Variants in ADARB2 observed in about 807,000 individuals in gnomAD.
ADARB2 encodes adenosine deaminase RNA specific B2 (inactive).
In ADARB2, 25 loss-of-function variants were observed where a neutral mutation model predicts 62.2. The observed-to-expected ratio is 0.40, with a 90% confidence interval of 0.29 to 0.56. ADARB2 has a LOEUF of 0.56. Ranked by LOEUF, ADARB2 falls within the 20% of genes least tolerant of loss-of-function variation. ADARB2 has a pLI of 0.43. For synonymous variants in ADARB2, 572 were observed against 500.8 expected (o/e 1.14, Z -1.90); for missense variants, 1,071 against 1,077.4 (o/e 0.99, Z 0.08).
chr10:1,578,122 T>C (rs1214707755), intron 1 of ADARB2, among the ~76,000 whole-genome samples: 1 of 152,108 alleles, frequency 6.6e-6, no homozygotes, highest in Non-Finnish European at 1.5e-5. Flanking sequence ...GTGTGCTGTA[T>C]ATCATTTATA....
intron 3 of ADARB2, among the ~76,000 whole-genome samples, chr10:1,347,639 C>T (rs1203581336): frequency 6.6e-6 from 1 of 152,194 alleles, no homozygotes; most frequent in African/African-American, 2.4e-5. Flanking sequence ...TCTTCACGCC[C>T]ATCGGCTACG....
intron 1 of ADARB2, among the ~76,000 whole-genome samples, chr10:1,427,086 A>T (rs536860379): frequency 5.7e-4 from 87 of 152,368 alleles, no homozygotes; most frequent in African/African-American, 2.0e-3. Flanking sequence ...CTCCATAAGT[A>T]GACTCACATG....
rs150827104 is a variant in ADARB2 at position 1,689,555 on chromosome 10, T to A, written c.100+47496A>T. ...TTTGAATAAACAGACATCACCACAATACCCTCAACAACACTTCCTAGAGAG... is the reference window on the plus strand; with the variant it reads ...TTTGAATAAACAGACATCACCACAAAACCCTCAACAACACTTCCTAGAGAG... On this transcript the variant is annotated intron_variant, in intron 1 of 9. Transcript: ENST00000381312. Among the ~76,000 whole-genome samples the A allele has an allele frequency of 4.6e-3, 698 of 152,256 alleles. 7 individuals are homozygous for A. Among genetic ancestry groups the A allele is most frequent in the African/African-American group, 0.016 (658 of 41,550 alleles).
intron 1 of ADARB2, among the ~76,000 whole-genome samples, chr10:1,562,640 C>T (rs994601692): frequency 6.6e-6 from 1 of 152,122 alleles, no homozygotes; most frequent in East Asian, 1.9e-4. Flanking sequence ...AGAATGACAC[C>T]CCCCTGGTTG....
At chr10:1,382,918 G>T (rs1470089650) in intron 1 of ADARB2, among the ~76,000 whole-genome samples, 2 of 152,186 alleles carry the variant, frequency 1.3e-5, no homozygotes, top group Non-Finnish European at 2.9e-5. Context: ...TTGAGCTCGG[G>T]CTCCCATCAT....
chr10:1,319,216 G>A (rs939136192), intron 3 of ADARB2, among the ~76,000 whole-genome samples: 11 of 152,180 alleles, frequency 7.2e-5, no homozygotes, highest in Non-Finnish European at 1.5e-4. Flanking sequence ...AAACAATGAG[G>A]AAGTAAGTTC....
intron 1 of ADARB2, among the ~76,000 whole-genome samples, chr10:1,618,244 G>A (rs974298630): frequency 2.0e-5 from 3 of 152,096 alleles, no homozygotes; most frequent in African/African-American, 4.8e-5. Flanking sequence ...GATCCTATAA[G>A]TCCAGCTTTA....
chr10:1,570,815 A>G (rs1329748294), intron 1 of ADARB2, among the ~76,000 whole-genome samples: 1 of 152,082 alleles, frequency 6.6e-6, no homozygotes, highest in Non-Finnish European at 1.5e-5. Flanking sequence ...CTGAGTGGGG[A>G]CACAGAGAGA....
At chr10:1,731,230 C>T (rs912316928) in intron 1 of ADARB2, among the ~76,000 whole-genome samples, 1 of 152,152 alleles carries the variant, frequency 6.6e-6, no homozygotes, top group African/African-American at 2.4e-5. Context: ...AGATTCAGGG[C>T]CTACGAGCCC....
At chr10:1,566,475 T>C (rs1360208727) in intron 1 of ADARB2, among the ~76,000 whole-genome samples, 1 of 152,256 alleles carries the variant, frequency 6.6e-6, no homozygotes, top group African/African-American at 2.4e-5. Flanking sequence ...TTTCCCTCAA[T>C]AGCTGTGCAC....
chr10:1,390,129 T>C (rs1832557398), intron 1 of ADARB2, among the ~76,000 whole-genome samples: 2 of 152,070 alleles, frequency 1.3e-5, no homozygotes, highest in South Asian at 2.1e-4. Context: ...CAAAACAAAA[T>C]GAGTGAAATA....
chr10:1,561,624 A>G (rs942209866), intron 1 of ADARB2, among the ~76,000 whole-genome samples: 1 of 151,648 alleles, frequency 6.6e-6, no homozygotes, highest in African/African-American at 2.4e-5. Context: ...CTGCCAGTCC[A>G]CCCCTCTCTC....
At chr10:1,209,975 C>T (rs1419177081) in intron 7 of ADARB2, among the ~76,000 whole-genome samples, 1 of 152,204 alleles carries the variant, frequency 6.6e-6, no homozygotes, top group Non-Finnish European at 1.5e-5. Context: ...ACTGATCTTA[C>T]CACTGACATT....
At chr10:1,710,053 G>A (rs548366685) in intron 1 of ADARB2, among the ~76,000 whole-genome samples, 2 of 152,192 alleles carry the variant, frequency 1.3e-5, no homozygotes, top group African/African-American at 4.8e-5. Flanking sequence ...GTGCTCAGTC[G>A]AGGACGGTTT....
chr10:1,364,761 C>T (rs909571531), intron 2 of ADARB2, among the ~76,000 whole-genome samples: 5 of 152,096 alleles, frequency 3.3e-5, no homozygotes, highest in Non-Finnish European at 5.9e-5. Flanking sequence ...TCCCAGGTAT[C>T]GTGTTATTCA....
chr10:1,289,538 G>A lies in ADARB2; in HGVS notation c.1078-18469C>T, dbSNP rs919613472. ...CCGTCAGGAAGCCCGAGTCTGCCAC[G>A]GCTGCTGGGTGGGACAGACCAGGGT... On this transcript the variant is annotated intron_variant, in intron 3 of 9. Transcript: ENST00000381312. Among the ~76,000 whole-genome samples the A allele has an allele frequency of 5.9e-5, 9 of 152,354 alleles. No homozygotes were observed. The South Asian group carries it at 6.2e-4, about 11-fold the overall frequency.
At chr10:1,348,085 TG>T (rs1409292400) in intron 3 of ADARB2, among the ~76,000 whole-genome samples, 5 of 150,916 alleles carry the variant, frequency 3.3e-5, no homozygotes, top group African/African-American at 4.9e-5. Context: ...ACAGTGGGAA[TG>T]TGAATCCCGG....
rs1177251578 is a variant in ADARB2, at chr10:1,178,967, GC to G, written c.*4225del. On this transcript the variant is annotated 3_prime_UTR_variant, in exon 10 of 10. Transcript: ENST00000381312. Reference sequence around the variant, plus strand: ...GAAAGTGATACTTATTGTATTTTGGGCCAATTAGTCAGATTATTTTATTAGA... The same window carrying G: ...GAAAGTGATACTTATTGTATTTTGGGCAATTAGTCAGATTATTTTATTAGA... 1 of 152,144 alleles carries G rather than the reference GC, an allele frequency of 6.6e-6. No homozygotes were observed. Among genetic ancestry groups the G allele is most frequent in the Non-Finnish European group, 1.5e-5 (1 of 68,036 alleles). 9.4% of individuals were successfully genotyped at this position (152,144 alleles called of 1,614,324 possible).
intron 1 of ADARB2, among the ~76,000 whole-genome samples, chr10:1,400,981 C>T (rs1478194583): frequency 6.6e-6 from 1 of 152,174 alleles, no homozygotes; most frequent in African/African-American, 2.4e-5. Flanking sequence ...TCATCACTGT[C>T]TCCACCGGAA....
Sources: allele counts gnomAD v4.1 joint callset (sites outside exome capture counted in the v4.1 genomes callset), GRCh38; gene constraint gnomAD v4.1.1; transcripts MANE v1.5; gene names NCBI Gene and HGNC (gene_info 2026-07-23, HGNC 2026-07-21).